MDM2: variants seen among roughly 807,000 people sequenced by gnomAD.
MDM2 encodes MDM2 proto-oncogene.
A neutral mutation model predicts 64.3 loss-of-function variants in MDM2; 11 were observed. The ratio of observed to expected loss-of-function variants is 0.17; its 90% CI spans 0.11 to 0.28. MDM2 has a LOEUF of 0.28. Among genes scored for constraint, MDM2 ranks in the 10% least tolerant of loss-of-function variants. The pLI is 1.00. For synonymous variants in MDM2, 194 were observed against 192.9 expected (o/e 1.01, Z -0.05); for missense variants, 388 against 577.1 (o/e 0.67, Z 3.36).
chr12:68,814,231 T>C (rs1312242877), intron 3 of MDM2, among the ~76,000 whole-genome samples: 1 of 152,162 alleles, frequency 6.6e-6, no homozygotes, highest in Non-Finnish European at 1.5e-5. Context: ...TTTTTGTCTT[T>C]TTAGTAGAGA....
rs1883986803 is a variant in MDM2 at position 68,843,491 on chromosome 12, A to C, written c.*3642A>C. The C allele has an allele frequency of 9.0e-6, 2 of 223,424 alleles. No individual in the cohort carries two copies. Among genetic ancestry groups the C allele is most frequent in the East Asian group, 6.4e-5 (1 of 15,662 alleles). 13.8% of individuals were successfully genotyped at this position (223,424 alleles called of 1,614,324 possible). A position where few individuals can be genotyped will look rare whatever the true frequency, so the allele number is the denominator to read the frequency against. ...AAAATTTCTAATATAAGTATCTCTC[A>C]AACTGTGGATTAACTTCTTGATTTA... On this transcript the variant is annotated 3_prime_UTR_variant, in exon 11 of 11. Coordinates refer to ENST00000258149, the MANE Select transcript of MDM2 (RefSeq NM_002392.6).
chr12:68,824,983 C>T (rs1795485), intron 7 of MDM2, among the ~76,000 whole-genome samples: 68 of 150,874 alleles, frequency 4.5e-4, no homozygotes, highest in Non-Finnish European at 8.9e-4. Context: ...CCGAGGCTGG[C>T]GGATCACGAG....
intron 7 of MDM2, among the ~76,000 whole-genome samples, chr12:68,825,312 G>C (rs1470527445): frequency 6.6e-6 from 1 of 152,168 alleles, no homozygotes; most frequent in Non-Finnish European, 1.5e-5. Context: ...ATAAATGGTA[G>C]TACATACCTA....
chr12:68,809,244 T>C lies in MDM2; in HGVS notation c.51T>C (p.Asp17=), dbSNP rs199663735. Residue 17 remains aspartate, a synonymous_variant, in exon 2 of 11, where the codon GAT becomes GAC. Transcript: ENST00000258149. Reference sequence around the variant, plus strand: ...ATACCAACATGTCTGTACCTACTGATGGTGCTGTAACCACCTCACAGATTC... The same window carrying C: ...ATACCAACATGTCTGTACCTACTGACGGTGCTGTAACCACCTCACAGATTC... ...MCNTNMSVPT[D]GAVTTSQIPA... The C allele has an allele frequency of 6.2e-7, 1 of 1,614,220 alleles. No homozygotes were observed. The highest frequency in any genetic ancestry group is 1.1e-5 in the South Asian group (1 of 91,088).
At chr12:68,835,760 G>A (rs1006938924) in intron 8 of MDM2, 69 bp from the exon 9 acceptor site, 10 of 1,435,968 alleles carry the variant, frequency 7.0e-6, no homozygotes, top group Non-Finnish European at 9.4e-6. Context: ...GCACAGGGAT[G>A]AGTTAGGAAA....
intron 8 of MDM2, among the ~76,000 whole-genome samples, chr12:68,833,423 A>G (rs1883061677): frequency 7.0e-6 from 1 of 142,138 alleles, no homozygotes; most frequent in African/African-American, 2.6e-5. Context: ...TATTTTAAAT[A>G]TTTATTTTAT....
chr12:68,829,853 A>G (rs1006752077), intron 8 of MDM2, among the ~76,000 whole-genome samples: 3 of 152,226 alleles, frequency 2.0e-5, no homozygotes, highest in Non-Finnish European at 4.4e-5. Flanking sequence ...AGACTTCCAA[A>G]ATATTAGTGA....
rs191612188 is a variant in MDM2 at position 68,818,356 on chromosome 12, T to C, written c.308+1411T>C. Among the ~76,000 whole-genome samples, 232 of 151,842 alleles carry C rather than the reference T, an allele frequency of 1.5e-3. 2 individuals are homozygous for C. The East Asian group carries it at 0.038, about 25-fold the overall frequency. ...ATTATTGTAAACATAGTATATATTA[T>C]TATTGAACATTAGGAGATGACAGAA... On this transcript the variant is annotated intron_variant, in intron 4 of 10. Transcript: ENST00000258149.
At chr12:68,837,571 G>T (rs1883411919) in intron 10 of MDM2, among the ~76,000 whole-genome samples, 2 of 151,952 alleles carry the variant, frequency 1.3e-5, no homozygotes, top group Admixed American at 1.3e-4. Context: ...GCCCAGGATG[G>T]TCTTGAACTC....
intron 9 of MDM2, chr12:68,836,467 CT>C: frequency 2.2e-6 from 1 of 448,476 alleles, no homozygotes; most frequent in Non-Finnish European, 4.0e-6. Context: ...CCTAAACATC[CT>C]TTGTATTGAC....
Position 68,842,176 on chromosome 12 carries a change from C to T in MDM2, c.*2327C>T, listed in dbSNP as rs1883821499. On this transcript the variant is annotated 3_prime_UTR_variant, in exon 11 of 11. Transcript: ENST00000258149. Reference sequence around the variant, plus strand: ...TATCTGCAAGAACTATGGAATAAAACTACTGATGCAGTGAAGACAGTTGAA... The same window carrying T: ...TATCTGCAAGAACTATGGAATAAAATTACTGATGCAGTGAAGACAGTTGAA... The T allele has an allele frequency of 4.1e-6, 2 of 489,204 alleles. No individual in the cohort carries two copies. The allele number at this position is 489,204 out of a possible 1,614,324, so 30.3% of individuals were successfully genotyped here. A position where few individuals can be genotyped will look rare whatever the true frequency, so the allele number is the denominator to read the frequency against.
In MDM2 at chr12:68,843,268, A is replaced by G. The variant is rs1883960306; in HGVS notation, c.*3419A>G. 2 of 227,804 alleles carry G rather than the reference A, an allele frequency of 8.8e-6. No homozygotes were observed. The highest frequency in any genetic ancestry group is 1.8e-4 in the South Asian group (1 of 5,502). The allele number at this position is 227,804 out of a possible 1,614,324, so 14.1% of individuals were successfully genotyped here. ...AATGCTTTGAGGACCTCCAAAGGTA[A>G]AAGTACTAATCCCTTTGGCCATTTA... On this transcript the variant is annotated 3_prime_UTR_variant, in exon 11 of 11. Transcript: ENST00000258149.
chr12:68,832,706 A>G (rs1412359726), intron 8 of MDM2, among the ~76,000 whole-genome samples: 2 of 150,046 alleles, frequency 1.3e-5, no homozygotes, highest in Admixed American at 6.6e-5. Context: ...TTTTTCAGAG[A>G]TGAGATCTTG....
intron 2 of MDM2, among the ~76,000 whole-genome samples, chr12:68,811,117 G>A (rs1880852813): frequency 2.6e-5 from 4 of 151,912 alleles, no homozygotes; most frequent in Admixed American, 1.3e-4. Flanking sequence ...TGCCTGCCTC[G>A]GCCTCCCAAA....
intron 10 of MDM2, among the ~76,000 whole-genome samples, chr12:68,837,171 C>A (rs926581339): frequency 6.6e-5 from 10 of 151,902 alleles, no homozygotes; most frequent in African/African-American, 2.2e-4. Flanking sequence ...CCAGGCTGGT[C>A]ATGAACTCCT....
At chr12:68,815,589 G>A in intron 3 of MDM2, 1 of 398,418 alleles carries the variant, frequency 2.5e-6, no homozygotes, top group South Asian at 1.8e-5. Flanking sequence ...CTACAGGCTT[G>A]TACCACTATG....
rs1039935601 is a variant in MDM2, at chr12:68,841,584, A to G, written c.*1735A>G. The G allele has an allele frequency of 4.8e-6, 1 of 209,720 alleles. No homozygotes were observed. The highest frequency in any genetic ancestry group is 9.7e-6 in the Non-Finnish European group (1 of 103,258). 13.0% of individuals were successfully genotyped at this position (209,720 alleles called of 1,614,324 possible). Reference sequence around the variant, plus strand: ...ACAAAAAAATCCTTTATGGGATTTAATGGAATCTGTTGTTTCCCCCTAAGT... The same window carrying G: ...ACAAAAAAATCCTTTATGGGATTTAGTGGAATCTGTTGTTTCCCCCTAAGT... On this transcript the variant is annotated 3_prime_UTR_variant, in exon 11 of 11. Coordinates refer to ENST00000258149, the MANE Select transcript of MDM2 (RefSeq NM_002392.6).
intron 2 of MDM2, among the ~76,000 whole-genome samples, chr12:68,810,189 A>G (rs1363971166): frequency 6.6e-6 from 1 of 151,964 alleles, no homozygotes; most frequent in Admixed American, 6.6e-5. Flanking sequence ...GCGCGCGCCT[A>G]TAATCCCCTG....
At chr12:68,828,132 A>G (rs970291404) in intron 7 of MDM2, 1 of 151,198 alleles carries the variant, frequency 6.6e-6, no homozygotes, top group Non-Finnish European at 1.5e-5. Flanking sequence ...CTCTGTCTCA[A>G]AAGAAAAAGT....
Sources: gnomAD v4.1 joint callset for allele counts (sites outside exome capture counted in the v4.1 genomes callset) on GRCh38, gnomAD v4.1.1 for gene constraint, MANE v1.5 for transcripts, NCBI Gene and HGNC (gene_info 2026-07-23, HGNC 2026-07-21) for gene names.